Variants in CSMD1 observed in about 807,000 individuals in gnomAD.
CSMD1 encodes CUB and sushi domain-containing protein 1.
In CSMD1, 213 loss-of-function variants were observed where a neutral mutation model predicts 417.5. The ratio of observed to expected loss-of-function variants is 0.51; its 90% CI spans 0.46 to 0.57. The LOEUF is 0.57. CSMD1 is among the 20% of genes least tolerant of loss of function. CSMD1 has a pLI of 0.00. For missense variants in CSMD1, 6,923 were observed against 4,529.7 expected (o/e 1.53, Z -15.17); for synonymous variants, 2,862 against 1,736.8 (o/e 1.65, Z -16.11).
intron 3 of CSMD1, among the ~76,000 whole-genome samples, chr8:4,286,999 G>C (rs915867561): frequency 2.0e-5 from 3 of 152,100 alleles, no homozygotes; most frequent in Non-Finnish European, 4.4e-5. Context: ...TAAAGAAAAA[G>C]GGCTAAGTTT....
intron 26 of CSMD1, among the ~76,000 whole-genome samples, chr8:3,238,643 T>C (rs1372393709): frequency 1.3e-5 from 2 of 152,048 alleles, no homozygotes; most frequent in Non-Finnish European, 2.9e-5. Flanking sequence ...TTTAGAATTA[T>C]TGATGATGGC....
At chr8:3,839,496 T>C (rs1344019821) in intron 5 of CSMD1, among the ~76,000 whole-genome samples, 2 of 59,786 alleles carry the variant, frequency 3.3e-5, no homozygotes, top group East Asian at 8.5e-4. Context: ...ATTTATATAT[T>C]AATATATATA....
intron 7 of CSMD1, among the ~76,000 whole-genome samples, chr8:3,692,016 C>A (rs1800274374): frequency 6.6e-6 from 1 of 152,162 alleles, no homozygotes; most frequent in African/African-American, 2.4e-5. Context: ...GGCATCTGGT[C>A]TCATCATCAG....
intron 7 of CSMD1, among the ~76,000 whole-genome samples, chr8:3,660,299 C>G (rs1171054889): frequency 6.6e-6 from 1 of 151,934 alleles, no homozygotes; most frequent in Non-Finnish European, 1.5e-5. Context: ...ATCTGTGAAG[C>G]GGGATGGTAA....
rs537331853 is a variant in CSMD1, at chr8:3,150,163, G to C, written c.6031+1234C>G. On this transcript the variant is annotated intron_variant, in intron 40 of 69. Transcript: ENST00000635120. ...AGAATCACTGCCTCATGCTCAGAGA[G>C]AGTATGACTGAAAAAAACAAAACCA... Among the ~76,000 whole-genome samples, 91 of 152,294 alleles carry C rather than the reference G, an allele frequency of 6.0e-4. 1 individual carries two copies. The South Asian group carries it at 0.018, about 30-fold the overall frequency.
intron 2 of CSMD1, among the ~76,000 whole-genome samples, chr8:4,450,533 G>T (rs939788511): frequency 6.6e-6 from 1 of 152,080 alleles, no homozygotes; most frequent in Non-Finnish European, 1.5e-5. Flanking sequence ...TACTTGGGAG[G>T]CTGAGGCACG....
At chr8:4,235,666 G>A (rs1051123740) in intron 3 of CSMD1, among the ~76,000 whole-genome samples, 1 of 152,110 alleles carries the variant, frequency 6.6e-6, no homozygotes, top group East Asian at 1.9e-4. Context: ...TTTAAAATGG[G>A]TCAGCCTGTT....
At chr8:4,745,625 G>C (rs139011564) in intron 1 of CSMD1, among the ~76,000 whole-genome samples, 56 of 152,266 alleles carry the variant, frequency 3.7e-4, no homozygotes, top group African/African-American at 1.3e-3. Flanking sequence ...GTAGAATGTA[G>C]AGAGAGAGTA....
At chr8:4,944,532 G>T (rs1396090215) in intron 1 of CSMD1, among the ~76,000 whole-genome samples, 1 of 152,130 alleles carries the variant, frequency 6.6e-6, no homozygotes, top group East Asian at 1.9e-4. Flanking sequence ...AGACTCAGAG[G>T]CAGTTACTAA....
intron 3 of CSMD1, among the ~76,000 whole-genome samples, chr8:4,366,879 A>AT (rs994209540): frequency 4.0e-5 from 6 of 151,146 alleles, no homozygotes; most frequent in African/African-American, 1.5e-4. Flanking sequence ...GTCCTTGCCC[A>AT]TTTTTTTAAT....
chr8:3,719,388 G>T (rs929998066), intron 6 of CSMD1, among the ~76,000 whole-genome samples: 2 of 152,114 alleles, frequency 1.3e-5, no homozygotes, highest in African/African-American at 4.8e-5. Context: ...TAAAAGAAGG[G>T]CTTGAATTAA....
At chr8:4,078,822 G>C (rs1273998042) in intron 3 of CSMD1, among the ~76,000 whole-genome samples, 1 of 147,292 alleles carries the variant, frequency 6.8e-6, no homozygotes, top group Non-Finnish European at 1.5e-5. Context: ...GATTACTTGA[G>C]GTCAGGAGTT....
chr8:4,072,775 T>C (rs1799626102), intron 3 of CSMD1, among the ~76,000 whole-genome samples: 1 of 152,154 alleles, frequency 6.6e-6, no homozygotes, highest in Non-Finnish European at 1.5e-5. Context: ...ACATGGAGCC[T>C]CACAGTCATG....
intron 2 of CSMD1, among the ~76,000 whole-genome samples, chr8:4,530,125 G>C (rs747725158): frequency 4.0e-5 from 6 of 151,552 alleles, no homozygotes; most frequent in South Asian, 2.1e-4. Context: ...GTGTTAGCCA[G>C]GATGGTCTCG....
intron 6 of CSMD1, among the ~76,000 whole-genome samples, chr8:3,748,663 G>A (rs188463135): frequency 3.5e-4 from 53 of 152,324 alleles, no homozygotes; most frequent in Admixed American, 1.5e-3. Context: ...GAAAATGTGA[G>A]CATTGGAGAA....
At chr8:3,431,392 T>C (rs1322461768) in intron 12 of CSMD1, among the ~76,000 whole-genome samples, 1 of 152,162 alleles carries the variant, frequency 6.6e-6, no homozygotes, top group East Asian at 1.9e-4. Flanking sequence ...GCAGTTGCTT[T>C]AGTGTGCCGC....
chr8:3,536,814 G>C (rs904013712), intron 10 of CSMD1, among the ~76,000 whole-genome samples: 1 of 152,174 alleles, frequency 6.6e-6, no homozygotes, highest in Non-Finnish European at 1.5e-5. Context: ...TGTTAGGTTT[G>C]TGCCATCCTT....
At chr8:3,120,985 C>T (rs1229391994) in intron 41 of CSMD1, among the ~76,000 whole-genome samples, 1 of 150,662 alleles carries the variant, frequency 6.6e-6, no homozygotes, top group Admixed American at 6.6e-5. Context: ...CCTAGTAATA[C>T]ATTTACAGAA....
chr8:3,956,904 T>C lies in CSMD1; in HGVS notation c.818+40999A>G, dbSNP rs577903550. 3.1e-4 allele frequency among the ~76,000 whole-genome samples: 47 copies of C among 152,294 alleles called. 1 individual carries two copies. Among genetic ancestry groups the C allele is most frequent in the African/African-American group, 1.1e-3 (45 of 41,568 alleles). On this transcript the variant is annotated intron_variant, in intron 5 of 69. Coordinates refer to ENST00000635120, the MANE Select transcript of CSMD1 (RefSeq NM_033225.6). ...TGTACAGGTGATTATCTCTGCATTG[T>C]TGCAAACACTAAAGGCTATTTTCAT... is the stretch of plus-strand genomic sequence containing the variant.
Sources: gnomAD v4.1 joint callset for allele counts (sites outside exome capture counted in the v4.1 genomes callset) on GRCh38, gnomAD v4.1.1 for gene constraint, MANE v1.5 for transcripts, NCBI Gene and HGNC (gene_info 2026-07-23, HGNC 2026-07-21) for gene names.